DAP3: variants seen among roughly 807,000 people sequenced by gnomAD.
DAP3 encodes the protein death associated protein 3.
In DAP3, 28 loss-of-function variants were observed where a neutral mutation model predicts 51.9. That is an observed-to-expected ratio of 0.54 (90% confidence interval 0.40 to 0.74). The LOEUF is 0.74. Ranked by LOEUF, DAP3 falls within the 30% of genes least tolerant of loss-of-function variation. The probability of loss-of-function intolerance (pLI) is 0.00; values close to 1 mark genes in which losing one functional copy is unlikely to be tolerated. For synonymous variants in DAP3, 170 were observed against 170.3 expected (o/e 1.00, Z 0.01); for missense variants, 458 against 483.5 (o/e 0.95, Z 0.49).
intron 1 of DAP3, among the ~76,000 whole-genome samples, chr1:155,699,640 G>T (rs1453104842): frequency 1.3e-5 from 2 of 152,052 alleles, no homozygotes; most frequent in East Asian, 1.9e-4. Flanking sequence ...TTGAGGCAGG[G>T]TCTTACTCTG....
Position 155,715,397 on chromosome 1 carries a change from C to G in DAP3, c.46-1609C>G, listed in dbSNP as rs1657208247. Reference sequence around the variant, plus strand: ...ATTAGCTGGGCATAGTGGCATGCACCTGTAGTCCCAGCTACTTGGGAGCCT... The same window carrying G: ...ATTAGCTGGGCATAGTGGCATGCACGTGTAGTCCCAGCTACTTGGGAGCCT... On this transcript the variant is annotated intron_variant, in intron 2 of 12. Coordinates refer to ENST00000368336, the MANE Select transcript of DAP3 (RefSeq NM_004632.4). 2.0e-5 allele frequency among the ~76,000 whole-genome samples: 3 copies of G among 152,004 alleles called. No homozygotes were observed. The South Asian group carries it at 6.2e-4, about 32-fold the overall frequency.
Position 155,725,422 on chromosome 1 carries a change from C to T in DAP3, c.311C>T (p.Pro104Leu). 2 of 1,614,134 alleles carry T rather than the reference C, an allele frequency of 1.2e-6. No homozygotes were observed. The highest frequency in any genetic ancestry group is 1.7e-6 in the Non-Finnish European group (2 of 1,180,026). The change falls in exon 5 of 13, where the codon CCA (proline) becomes CTA (leucine). Residue 104 changes from proline (P) to leucine (L), a missense_variant. Transcript: ENST00000368336. ...FSEACLMVRK[P>L]ALELLHYLKN... ...GAAGCTTGCCTGATGGTAAGGAAAC[C>T]AGCCCTAGAACTTCTGCATTACCTG...
intron 10 of DAP3, 35 bp from the exon 11 acceptor site, chr1:155,731,909 C>A: frequency 6.4e-7 from 1 of 1,558,560 alleles, no homozygotes; most frequent in Non-Finnish European, 8.7e-7. Flanking sequence ...TCCTTTTTAA[C>A]TTTTTCCAGT....
upstream of DAP3, chr1:155,687,983 G>A: frequency 7.1e-7 from 1 of 1,409,842 alleles, no homozygotes; most frequent in South Asian, 1.4e-5. Context: ...TCCAGGTCCG[G>A]GAGATGACAG....
chr1:155,711,442 A>G (rs1204235655), intron 2 of DAP3, among the ~76,000 whole-genome samples: 3 of 152,268 alleles, frequency 2.0e-5, no homozygotes, highest in East Asian at 1.9e-4. Context: ...GCAGTGAGCC[A>G]AGATCACGCC....
Position 155,717,027 on chromosome 1 carries a change from C to T in DAP3, c.67C>T (p.His23Tyr). The T allele has an allele frequency of 6.3e-7, 1 of 1,584,542 alleles. No individual in the cohort carries two copies. The highest frequency in any genetic ancestry group is 8.6e-7 in the Non-Finnish European group (1 of 1,163,546). Residue 23 changes from histidine to tyrosine, a missense_variant, in exon 3 of 13, where the codon CAC becomes TAC. His to Tyr is a moderately conservative substitution (Grantham distance 83). Transcript: ENST00000368336. The part of the protein sequence containing the change: ...IHKLDPGRFL[H>Y]MGTQARQSIA... ...ATAGTTGGACCCTGGGCGTTTTTTA[C>T]ACATGGGGACCCAGGCTCGCCAAAG... is the stretch of plus-strand genomic sequence containing the variant.
intron 1 of DAP3, among the ~76,000 whole-genome samples, chr1:155,702,472 C>A (rs376631050): frequency 6.6e-6 from 1 of 152,000 alleles, no homozygotes; most frequent in African/African-American, 2.4e-5. Context: ...CAGAGCGAGA[C>A]TCTGGCTCAA....
At chr1:155,688,169 C>T (rs1652829265), upstream of DAP3, 1 of 1,614,004 alleles carries the variant, frequency 6.2e-7, no homozygotes, top group Non-Finnish European at 8.5e-7. Flanking sequence ...GGATCCCTCC[C>T]GCTTGTCAGG....
At chr1:155,692,651 A>C (rs1206182241) in intron 1 of DAP3, among the ~76,000 whole-genome samples, 2 of 142,080 alleles carry the variant, frequency 1.4e-5, no homozygotes, top group Admixed American at 1.3e-4. Context: ...TGTTCCTTTA[A>C]TTTGGCTATA....
intron 1 of DAP3, chr1:155,689,428 C>T (rs1653346337): frequency 2.1e-5 from 10 of 468,616 alleles, no homozygotes; most frequent in South Asian, 1.5e-4. Flanking sequence ...GCCCTTGACG[C>T]ACTTACTCAT....
At chr1:155,725,255 C>T (rs1658443185) in intron 4 of DAP3, 127 bp from the exon 5 acceptor site, 4 of 735,316 alleles carry the variant, frequency 5.4e-6, no homozygotes, top group Non-Finnish European at 9.3e-6. Context: ...CCAGCTTCTC[C>T]TAACTGAGTA....
Position 155,732,006 on chromosome 1 carries a change from C to T in DAP3, c.966C>T (p.Ala322=). 6.2e-7 allele frequency: 1 copy of T among 1,611,978 alleles called. No homozygotes were observed. ...GGTCTCTCTTTAAGCCCCGGAAAGC[C>T]TATCTGCCCCAGGAGTTGCTGGGAA... ...QTGSLFKPRK[A]YLPQELLGKE... The change falls in exon 11 of 13, where the codon GCC becomes GCT. Residue 322 remains alanine (A), a synonymous_variant. Transcript: ENST00000368336.
chr1:155,717,984 C>T (rs1023608785), intron 3 of DAP3, among the ~76,000 whole-genome samples: 6 of 152,104 alleles, frequency 3.9e-5, no homozygotes, highest in African/African-American at 1.4e-4. Flanking sequence ...GCTTTCTTTC[C>T]CTGCCCCTAC....
chr1:155,688,726 C>A, upstream of DAP3: 1 of 1,517,016 alleles, frequency 6.6e-7, no homozygotes, highest in South Asian at 1.2e-5. Context: ...CCCGCCCGCA[C>A]GGCCACCAAC....
intron 1 of DAP3, among the ~76,000 whole-genome samples, chr1:155,692,176 T>G (rs1389861092): frequency 7.1e-6 from 1 of 141,750 alleles, no homozygotes; most frequent in Non-Finnish European, 1.5e-5. Context: ...CTAGCCACAT[T>G]CCAGTGCTTC....
intron 1 of DAP3, among the ~76,000 whole-genome samples, chr1:155,695,330 G>A (rs566779962): frequency 6.6e-6 from 1 of 152,326 alleles, no homozygotes; most frequent in Admixed American, 6.5e-5. Context: ...CAACCCTCGA[G>A]GGTTAACACC....
At chr1:155,693,106 C>T (rs1296872991) in intron 1 of DAP3, among the ~76,000 whole-genome samples, 1 of 141,614 alleles carries the variant, frequency 7.1e-6, no homozygotes, top group African/African-American at 3.2e-5. Flanking sequence ...TTTCCAAGGT[C>T]TATTGAGGGA....
chr1:155,720,204 G>T (rs1366515379), intron 3 of DAP3, among the ~76,000 whole-genome samples: 1 of 151,200 alleles, frequency 6.6e-6, no homozygotes, highest in Non-Finnish European at 1.5e-5. Context: ...GCACACCTGT[G>T]GTCCCAGCTA....
chr1:155,695,996 G>T (rs1275745790), intron 1 of DAP3, among the ~76,000 whole-genome samples: 1 of 152,160 alleles, frequency 6.6e-6, no homozygotes, highest in African/African-American at 2.4e-5. Context: ...AACTTGCCAT[G>T]TAACTGAGTT....
Sources: allele counts gnomAD v4.1 joint callset (sites outside exome capture counted in the v4.1 genomes callset), GRCh38; gene constraint gnomAD v4.1.1; transcripts MANE v1.5; gene names NCBI Gene and HGNC (gene_info 2026-07-23, HGNC 2026-07-21).